Variants in ZEB2 observed in about 807,000 individuals in gnomAD.
The protein encoded by ZEB2 is zinc finger E-box binding homeobox 2, also known as zinc finger E-box-binding homeobox 2.
A neutral mutation model predicts 99.9 loss-of-function variants in ZEB2; 6 were observed. The ratio of observed to expected loss-of-function variants is 0.06; its 90% CI spans 0.03 to 0.12. The LOEUF is 0.12. ZEB2 is among the 10% of genes least tolerant of loss of function. The probability of loss-of-function intolerance (pLI) is 1.00; values close to 1 mark genes in which losing one functional copy is unlikely to be tolerated. For synonymous variants in ZEB2, 517 were observed against 542.5 expected (o/e 0.95, Z 0.65); for missense variants, 969 against 1,502.8 (o/e 0.64, Z 5.87).
intron 4 of ZEB2, among the ~76,000 whole-genome samples, chr2:144,411,095 A>ATATG (rs1553962754): frequency 9.5e-6 from 1 of 105,594 alleles, no homozygotes; most frequent in Non-Finnish European, 2.0e-5. Flanking sequence ...ATATATATAT[A>ATATG]TATATGTATA....
intron 1 of ZEB2, chr2:144,518,290 T>C (rs1486283370): frequency 6.6e-6 from 1 of 152,104 alleles, no homozygotes; most frequent in East Asian, 1.9e-4. Flanking sequence ...GAAACTTTTG[T>C]ACCTAAAAAT....
In ZEB2 at chr2:144,400,103, T is replaced by C; in HGVS notation, c.1084A>G (p.Thr362Ala). 1 of 1,613,962 alleles carries C rather than the reference T, an allele frequency of 6.2e-7. No individual in the cohort carries two copies. Among genetic ancestry groups the C allele is most frequent in the Non-Finnish European group, 8.5e-7 (1 of 1,179,816 alleles). Residue 362 changes from threonine (T) to alanine (A), a missense_variant, in exon 8 of 10, where the codon ACT (threonine) becomes GCT (alanine). Thr to Ala is a moderately conservative substitution (Grantham distance 58). This residue lies in a region of ZEB2 where 227 missense variants were observed against 278.2 expected (regional missense o/e 0.82). Transcript: ENST00000627532. Reference protein sequence around the residue: ...SSPNSVSSSPTNSAITQLRNK... With the variant: ...SSPNSVSSSPANSAITQLRNK... ...CTTAACTGGGTAATGGCTGAATTAG[T>C]AGGAGAAGAAGAAACAGAATTAGGG...
At chr2:144,470,640 A>G (rs1396365762) in intron 2 of ZEB2, 1 of 152,196 alleles carries the variant, frequency 6.6e-6, no homozygotes, top group African/African-American at 2.4e-5. Flanking sequence ...TAACCCTATC[A>G]CCACCGTAAA....
intron 1 of ZEB2, chr2:144,517,786 T>C: frequency 3.0e-6 from 2 of 671,136 alleles, no homozygotes; most frequent in East Asian, 2.7e-5. Flanking sequence ...CTCGGGAACT[T>C]GGGGTGAGGC....
intron 2 of ZEB2, among the ~76,000 whole-genome samples, chr2:144,502,749 G>T (rs1704892118): frequency 6.6e-6 from 1 of 152,068 alleles, no homozygotes; most frequent in South Asian, 2.1e-4. Context: ...GCGAGCTGTT[G>T]CCTCTGGAAC....
rs761671566 is a variant in ZEB2 at position 144,399,905 on chromosome 2, C to T, written c.1282G>A (p.Val428Ile). 2 of 1,614,202 alleles carry T rather than the reference C, an allele frequency of 1.2e-6. No homozygotes were observed. Among genetic ancestry groups the T allele is most frequent in the Non-Finnish European group, 1.7e-6 (2 of 1,180,020 alleles). The part of the protein sequence containing the change: ...GGLGATSPLG[V>I]HPSAQSPMQH... ...ATTGGACTCTGAGCAGATGGATGAA[C>T]TCCTAAAGGGCTGGTGGCTCCAAGC... The change falls in exon 8 of 10, where the codon GTT becomes ATT. Residue 428 changes from valine (V) to isoleucine (I), a missense_variant. This residue lies in a region of ZEB2 where 227 missense variants were observed against 278.2 expected (regional missense o/e 0.82). Coordinates refer to ENST00000627532, the MANE Select transcript of ZEB2 (RefSeq NM_014795.4). The surrounding 1 kb of genome is among the most constrained non-coding windows in gnomAD (Gnocchi z 5.6).
intron 2 of ZEB2, among the ~76,000 whole-genome samples, chr2:144,481,843 T>G (rs1448444376): frequency 1.3e-5 from 2 of 152,228 alleles, no homozygotes; most frequent in African/African-American, 4.8e-5. Flanking sequence ...GCCACTATAG[T>G]GCGTCACCCT....
At chr2:144,517,572 C>A in intron 1 of ZEB2, 153 bp from the exon 2 acceptor site, 1 of 577,928 alleles carries the variant, frequency 1.7e-6, no homozygotes. Flanking sequence ...CCCCGCCCCC[C>A]ACCCCCAGCC....
intron 2 of ZEB2, chr2:144,512,476 T>C (rs1705057137): frequency 7.8e-7 from 1 of 1,287,108 alleles, no homozygotes; most frequent in African/African-American, 1.5e-5. Flanking sequence ...CTCTTGGAAT[T>C]TTCTTTAAGC....
chr2:144,494,100 C>G (rs997008022), intron 2 of ZEB2, among the ~76,000 whole-genome samples: 2 of 131,662 alleles, frequency 1.5e-5, no homozygotes, highest in South Asian at 2.3e-4. Context: ...TGCAGTGAGC[C>G]GAGATCGCGC....
Position 144,389,653 on chromosome 2 carries a change from T to C in ZEB2, c.3443A>G (p.Tyr1148Cys). The C allele has an allele frequency of 6.2e-7, 1 of 1,614,150 alleles. No homozygotes were observed. The highest frequency in any genetic ancestry group is 1.1e-5 in the South Asian group (1 of 91,084). ...KEHEKEGEDG[Y>C]GKLGRQDGDE... ...GCCATCCTGTCTGCCCAGCTTCCCG[T>C]AGCCATCCTCGCCTTCTTTCTCGTG... is the stretch of plus-strand genomic sequence containing the variant. Residue 1148 changes from tyrosine (Y) to cysteine (C), a missense_variant, in exon 10 of 10, where the codon TAC (tyrosine) becomes TGC (cysteine). Tyr to Cys is a radical substitution (Grantham distance 194). Transcript: ENST00000627532. The surrounding 1 kb of genome is among the most constrained non-coding windows in gnomAD (Gnocchi z 6.8).
At chr2:144,415,908 A>G (rs1269360415) in intron 4 of ZEB2, among the ~76,000 whole-genome samples, 2 of 152,228 alleles carry the variant, frequency 1.3e-5, no homozygotes, top group Non-Finnish European at 2.9e-5. Flanking sequence ...GTATACTGCA[A>G]GCAAAATGAC....
Position 144,398,691 on chromosome 2 carries a change from G to A in ZEB2, c.2496C>T (p.Ala832=), listed in dbSNP as rs1209390784. ...TACTAGCTTTTGTTTTGTTCTTTGT[G>A]GCTATAATACTTTTGGGTTCTTTCA... ...KQMKEPKSII[A]TKNKTKASSI... Residue 832 remains alanine (A), a synonymous_variant, in exon 8 of 10, where the codon GCC becomes GCT. Transcript: ENST00000627532. 6.2e-7 allele frequency: 1 copy of A among 1,613,976 alleles called. No homozygotes were observed. Among genetic ancestry groups the A allele is most frequent in the East Asian group, 2.2e-5 (1 of 44,890 alleles).
intron 2 of ZEB2, among the ~76,000 whole-genome samples, chr2:144,501,677 A>G (rs780422921): frequency 6.6e-6 from 1 of 152,210 alleles, no homozygotes. Context: ...TTCCATAAAC[A>G]GTTGCTAACA....
At chr2:144,516,224 C>G (rs147430317) in intron 2 of ZEB2, 5 of 138,826 alleles carry the variant, frequency 3.6e-5, no homozygotes, top group Admixed American at 6.9e-5. Context: ...GCTCCCCCAC[C>G]CCCCCCCGGC....
chr2:144,466,151 A>G (rs1357134812), intron 2 of ZEB2, among the ~76,000 whole-genome samples: 1 of 152,202 alleles, frequency 6.6e-6, no homozygotes, highest in Non-Finnish European at 1.5e-5. Context: ...TTCTTTATAT[A>G]TGACAACATG....
chr2:144,407,606 G>A (rs1350132957), intron 4 of ZEB2, among the ~76,000 whole-genome samples: 1 of 152,176 alleles, frequency 6.6e-6, no homozygotes, highest in Non-Finnish European at 1.5e-5. Flanking sequence ...GATAAAAGGG[G>A]CAAAATGGCA....
At chr2:144,459,706 T>C (rs1704166356) in intron 2 of ZEB2, among the ~76,000 whole-genome samples, 1 of 152,016 alleles carries the variant, frequency 6.6e-6, no homozygotes, top group Non-Finnish European at 1.5e-5. Flanking sequence ...CTTTGTCACA[T>C]CCATATCTGA....
At chr2:144,454,400 T>G (rs2149901303) in intron 2 of ZEB2, among the ~76,000 whole-genome samples, 1 of 152,314 alleles carries the variant, frequency 6.6e-6, no homozygotes, top group Admixed American at 6.5e-5. Context: ...ACTATTAAGA[T>G]TCCATCAAAA....
Sources: allele counts gnomAD v4.1 joint callset (sites outside exome capture counted in the v4.1 genomes callset), GRCh38; gene constraint gnomAD v4.1.1; regional missense constraint gnomAD v4.1.1; non-coding constraint Gnocchi (gnomAD v3.1); transcripts MANE v1.5; gene names NCBI Gene and HGNC (gene_info 2026-07-23, HGNC 2026-07-21).